PUDP: variants seen among roughly 807,000 people sequenced by gnomAD.
PUDP encodes pseudouridine 5'-phosphatase.
In PUDP, 8 loss-of-function variants were observed where a neutral mutation model predicts 9.4. That is an observed-to-expected ratio of 0.85 (90% CI 0.50 to 1.53). The LOEUF is 1.53. Ranked by LOEUF, PUDP falls within the 40% of genes most tolerant of loss-of-function variation. PUDP has a pLI of 0.00. For missense variants in PUDP, 188 were observed against 189.7 expected (o/e 0.99, Z 0.05); for synonymous variants, 99 against 80.7 (o/e 1.23, Z -1.22).
chrX:6,754,572 A>G (rs922386966), intron 3 of PUDP, among the ~76,000 whole-genome samples: 1 of 109,342 alleles, frequency 9.1e-6, no homozygotes, highest in African/African-American at 3.3e-5. Flanking sequence ...ATAAAATCAC[A>G]GACTATTATA....
chrX:7,041,006 G>A (rs1445252673), intron 1 of PUDP, among the ~76,000 whole-genome samples: 1 of 111,724 alleles, frequency 9.0e-6, no homozygotes, highest in Non-Finnish European at 1.9e-5. Flanking sequence ...TTCTTTCCTT[G>A]CCCTCTTCCC....
At chrX:7,131,876 C>A (rs1353817690) in intron 1 of PUDP, among the ~76,000 whole-genome samples, 1 of 108,359 alleles carries the variant, frequency 9.2e-6, no homozygotes, top group African/African-American at 3.4e-5. Flanking sequence ...TCACCGAGTC[C>A]TCTTGGCCTG....
At chrX:6,735,962 C>T (rs1924867003) in intron 3 of PUDP, among the ~76,000 whole-genome samples, 1 of 108,024 alleles carries the variant, frequency 9.3e-6, no homozygotes, top group Non-Finnish European at 1.9e-5. Context: ...TGACTTGAGC[C>T]TGGGAGATTG....
intron 3 of PUDP, among the ~76,000 whole-genome samples, chrX:6,826,585 T>TA (rs1438680445): frequency 8.9e-5 from 10 of 112,016 alleles, no homozygotes; most frequent in Non-Finnish European, 1.7e-4. Flanking sequence ...ACTAAACTTA[T>TA]ATAGATATAG....
intron 1 of PUDP, among the ~76,000 whole-genome samples, chrX:6,983,869 G>A (rs1416710516): frequency 2.7e-5 from 3 of 112,448 alleles, no homozygotes; most frequent in Middle Eastern, 4.2e-3. Context: ...CGTACCCCAA[G>A]TAACCAATGG....
rs894788585 is a variant in PUDP, at chrX:6,819,422, T to G, written c.*248-112956A>C. On this transcript the variant is annotated intron_variant and NMD_transcript_variant, in intron 3 of 3. Coordinates refer to the PUDP transcript ENST00000655425. ...AATTCCACACTTGCTAATTCATGGA[T>G]TCAATACTCATTTCTTCTCTGCAAC... is the stretch of plus-strand genomic sequence containing the variant. Among the ~76,000 whole-genome samples, 5 of 112,454 alleles carry G rather than the reference T, an allele frequency of 4.4e-5. No individual in the cohort carries two copies. The Admixed American group carries it at 4.7e-4, about 11-fold the overall frequency.
chrX:6,782,818 T>G (rs996062949), intron 3 of PUDP, among the ~76,000 whole-genome samples: 3 of 112,245 alleles, frequency 2.7e-5, no homozygotes, highest in Non-Finnish European at 5.6e-5. Context: ...GCCAGCATTT[T>G]CAAAGGAAGA....
intron 3 of PUDP, among the ~76,000 whole-genome samples, chrX:6,971,850 T>C (rs1223465897): frequency 4.5e-5 from 5 of 112,109 alleles, no homozygotes; most frequent in Non-Finnish European, 9.4e-5. Context: ...TCCATGAGCA[T>C]GGAATGTTTT....
At chrX:6,828,096 A>T (rs1926450025) in intron 3 of PUDP, among the ~76,000 whole-genome samples, 1 of 111,872 alleles carries the variant, frequency 8.9e-6, no homozygotes, top group Non-Finnish European at 1.9e-5. Context: ...TGCCACAGGA[A>T]AGATGCTACA....
chrX:7,103,492 T>C (rs1048999272), intron 2 of PUDP, among the ~76,000 whole-genome samples: 4 of 112,434 alleles, frequency 3.6e-5, no homozygotes, highest in South Asian at 7.3e-4. Flanking sequence ...AAATTGGAAT[T>C]GGCAATCATT....
chrX:6,868,286 C>G (rs898437032), intron 3 of PUDP, among the ~76,000 whole-genome samples: 1 of 111,894 alleles, frequency 8.9e-6, no homozygotes, highest in African/African-American at 3.2e-5. Flanking sequence ...AATGAATGGC[C>G]AAGAAAGACC....
chrX:6,775,265 T>C (rs910138844), intron 3 of PUDP, among the ~76,000 whole-genome samples: 1 of 112,322 alleles, frequency 8.9e-6, no homozygotes, highest in Non-Finnish European at 1.9e-5. Flanking sequence ...TATTGTAGTA[T>C]ACACTAGTAG....
At chrX:7,127,579 G>A (rs1160453122) in intron 1 of PUDP, among the ~76,000 whole-genome samples, 1 of 112,193 alleles carries the variant, frequency 8.9e-6, no homozygotes, top group Non-Finnish European at 1.9e-5. Flanking sequence ...ACCTGGGAGG[G>A]AACTGTTTTC....
At chrX:6,828,878 T>C (rs1440545567) in intron 3 of PUDP, among the ~76,000 whole-genome samples, 1 of 111,749 alleles carries the variant, frequency 8.9e-6, no homozygotes, top group African/African-American at 3.3e-5. Context: ...CTTATTTTTT[T>C]TTTAGTGTTG....
chrX:6,974,536 G>A (rs753981669), intron 3 of PUDP, among the ~76,000 whole-genome samples: 54 of 111,134 alleles, frequency 4.9e-4, no homozygotes, highest in Non-Finnish European at 7.2e-4. Context: ...TTGAATATTG[G>A]TCCCCACTCT....
At chrX:6,969,398 G>A (rs5933912) in intron 3 of PUDP, among the ~76,000 whole-genome samples, 32,919 of 110,817 alleles carry the variant, frequency 0.3, 4,369 homozygotes, top group Non-Finnish European at 0.4. Context: ...GAGGTGTGAA[G>A]AAATGTTCCC....
At chrX:6,811,803 C>G (rs967441802) in intron 3 of PUDP, among the ~76,000 whole-genome samples, 3 of 111,787 alleles carry the variant, frequency 2.7e-5, no homozygotes, top group Non-Finnish European at 5.6e-5. Context: ...TCTGTTAATG[C>G]TTGCAGCTCA....
intron 3 of PUDP, among the ~76,000 whole-genome samples, chrX:6,860,139 T>A (rs1401009357): frequency 9.0e-6 from 1 of 111,671 alleles, no homozygotes; most frequent in East Asian, 2.8e-4. Context: ...TTCAAGCCCA[T>A]GTTCTTTAAT....
At chrX:7,073,437 C>A (rs992992940) in intron 3 of PUDP, among the ~76,000 whole-genome samples, 1 of 111,989 alleles carries the variant, frequency 8.9e-6, no homozygotes, top group Admixed American at 9.5e-5. Flanking sequence ...TGATCAATTC[C>A]CTAAGGCAAT....
Sources: gnomAD v4.1 joint callset for allele counts (sites outside exome capture counted in the v4.1 genomes callset) on GRCh38, gnomAD v4.1.1 for gene constraint, MANE v1.5 for transcripts, NCBI Gene and HGNC (gene_info 2026-07-23, HGNC 2026-07-21) for gene names.